CCDC158: variants seen among roughly 807,000 people sequenced by gnomAD.
The protein encoded by CCDC158 is coiled-coil domain containing 158.
In CCDC158, 116 loss-of-function variants were observed where a neutral mutation model predicts 138.6. That is an observed-to-expected ratio of 0.84 (90% CI 0.72 to 0.98). The LOEUF is 0.98. Among genes scored for constraint, CCDC158 ranks in the 50% least tolerant of loss-of-function variants. The pLI, the probability that CCDC158 is intolerant of heterozygous loss-of-function variation, is 0.00. For synonymous variants in CCDC158, 436 were observed against 442.4 expected (o/e 0.99, Z 0.18); for missense variants, 1,265 against 1,306.1 (o/e 0.97, Z 0.48).
At chr4:76,372,867 G>T (rs1191023822) in intron 9 of CCDC158, among the ~76,000 whole-genome samples, 6 of 145,212 alleles carry the variant, frequency 4.1e-5, no homozygotes, top group African/African-American at 1.1e-4. Flanking sequence ...TTTTTTTTTT[G>T]AAATGGAATC....
chr4:76,325,497 C>T (rs562490136), intron 23 of CCDC158, among the ~76,000 whole-genome samples: 35 of 152,190 alleles, frequency 2.3e-4, no homozygotes, highest in African/African-American at 8.4e-4. Context: ...CTTATACTCA[C>T]TAAGGCAGAG....
chr4:76,385,753 C>T (rs186807697), intron 4 of CCDC158, among the ~76,000 whole-genome samples: 178 of 152,116 alleles, frequency 1.2e-3, no homozygotes, highest in Non-Finnish European at 2.0e-3. Context: ...CACACATCTA[C>T]AGACGAACAG....
intron 19 of CCDC158, among the ~76,000 whole-genome samples, chr4:76,333,733 T>C (rs890308308): frequency 6.6e-6 from 1 of 152,222 alleles, no homozygotes; most frequent in African/African-American, 2.4e-5. Flanking sequence ...AGATTATGGA[T>C]ATAAAATCTT....
chr4:76,361,054 A>G (rs1482685746), intron 13 of CCDC158, among the ~76,000 whole-genome samples: 1 of 152,158 alleles, frequency 6.6e-6, no homozygotes. Flanking sequence ...TTCTCATGAC[A>G]GTGAGTGAGT....
chr4:76,361,028 G>A (rs938680208), intron 13 of CCDC158, among the ~76,000 whole-genome samples: 1 of 152,164 alleles, frequency 6.6e-6, no homozygotes, highest in Non-Finnish European at 1.5e-5. Flanking sequence ...CATGGGGGCG[G>A]ATTTCCCCTT....
chr4:76,318,848 T>C (rs1719657859), intron 24 of CCDC158, among the ~76,000 whole-genome samples: 1 of 152,168 alleles, frequency 6.6e-6, no homozygotes, highest in South Asian at 2.1e-4. Flanking sequence ...TCCATGATGA[T>C]GCCGGGTGCA....
At chr4:76,333,919 AC>A in intron 19 of CCDC158, 90 bp downstream of exon 19, 1 of 908,220 alleles carries the variant, frequency 1.1e-6, no homozygotes, top group Middle Eastern at 2.4e-4. Flanking sequence ...AGTCATTTAA[AC>A]CTCACCCTCC....
At chr4:76,360,354 G>A (rs1436020766) in intron 13 of CCDC158, among the ~76,000 whole-genome samples, 1 of 152,252 alleles carries the variant, frequency 6.6e-6, no homozygotes, top group Non-Finnish European at 1.5e-5. Flanking sequence ...AGTCTGCACT[G>A]GAGCACTGCC....
chr4:76,330,735 T>C (rs990840280), intron 21 of CCDC158, among the ~76,000 whole-genome samples: 1 of 152,206 alleles, frequency 6.6e-6, no homozygotes, highest in Admixed American at 6.5e-5. Context: ...AAGAATGGTT[T>C]AAAGAATATG....
At chr4:76,351,275 CAT>C (rs1723013569) in intron 17 of CCDC158, among the ~76,000 whole-genome samples, 154 bp from the exon 18 acceptor site, 1 of 151,272 alleles carries the variant, frequency 6.6e-6, no homozygotes, top group African/African-American at 2.4e-5. Flanking sequence ...TTAAAATAGA[CAT>C]ATATTTCAGT....
intron 3 of CCDC158, chr4:76,401,265 C>T (rs1728361346): frequency 2.1e-6 from 1 of 468,874 alleles, no homozygotes; most frequent in East Asian, 5.9e-5. Flanking sequence ...TGAATGTTCC[C>T]AAACACCCAT....
chr4:76,323,321 ATCT>A lies in CCDC158; in HGVS notation c.3255_3257del (p.Glu1085del), dbSNP rs1436542735. On this transcript the variant is annotated inframe_deletion, in exon 24 of 25. Coordinates refer to ENST00000682701, the MANE Select transcript of CCDC158 (RefSeq NM_001394954.1). ...CTGTACCTTGGTTCTTCAGCTGTAA[ATCT>A]TCTACCAGAGTTTGCAAGCTTTCTA... The A allele has an allele frequency of 3.1e-6, 5 of 1,611,742 alleles. No homozygotes were observed. The highest frequency in any genetic ancestry group is 2.7e-5 in the African/African-American group (2 of 74,782).
At chr4:76,361,528 C>T (rs372775872) in intron 13 of CCDC158, among the ~76,000 whole-genome samples, 3 of 152,300 alleles carry the variant, frequency 2.0e-5, no homozygotes, top group African/African-American at 4.8e-5. Context: ...CGCCACTGCA[C>T]TCCAACCTGG....
At chr4:76,414,899 A>G (rs1729571974) in intron 1 of CCDC158, among the ~76,000 whole-genome samples, 1 of 152,168 alleles carries the variant, frequency 6.6e-6, no homozygotes, top group South Asian at 2.1e-4. Context: ...AATTGGTACC[A>G]GTAGTGTGGG....
intron 19 of CCDC158, 85 bp downstream of exon 19, chr4:76,333,925 C>T: frequency 2.1e-6 from 2 of 968,158 alleles, no homozygotes; most frequent in Non-Finnish European, 2.9e-6. Context: ...TTAAACCTCA[C>T]CCTCCCAGAG....
intron 4 of CCDC158, among the ~76,000 whole-genome samples, chr4:76,388,420 G>C (rs1037932284): frequency 2.6e-5 from 4 of 152,152 alleles, no homozygotes; most frequent in Non-Finnish European, 5.9e-5. Flanking sequence ...AAGAGCCCTT[G>C]GCTTTAAGTG....
chr4:76,334,712 A>G (rs1721314027), intron 18 of CCDC158, among the ~76,000 whole-genome samples: 1 of 152,184 alleles, frequency 6.6e-6, no homozygotes, highest in Non-Finnish European at 1.5e-5. Flanking sequence ...AATATTTATA[A>G]TATAATAAGG....
chr4:76,370,334 G>A (rs1387151632), intron 10 of CCDC158, among the ~76,000 whole-genome samples: 1 of 152,218 alleles, frequency 6.6e-6, no homozygotes, highest in Non-Finnish European at 1.5e-5. Context: ...AAGATGTAGA[G>A]ATTAGGAAGA....
At chr4:76,415,788 C>T (rs142397106) in intron 1 of CCDC158, among the ~76,000 whole-genome samples, 1 of 152,258 alleles carries the variant, frequency 6.6e-6, no homozygotes, top group East Asian at 1.9e-4. Context: ...AACGGTAATG[C>T]CAGTGTCTGG....
Sources: gnomAD v4.1 joint callset for allele counts (sites outside exome capture counted in the v4.1 genomes callset) on GRCh38, gnomAD v4.1.1 for gene constraint, MANE v1.5 for transcripts, NCBI Gene and HGNC (gene_info 2026-07-23, HGNC 2026-07-21) for gene names.